Variants in EEF1AKMT4 observed in about 807,000 individuals in gnomAD.
The protein encoded by EEF1AKMT4 is eukaryotic translation elongation factor 1 alpha lysine specific methyltransferase 4.
In EEF1AKMT4, 17 loss-of-function variants were observed where a neutral mutation model predicts 23.0. That is an observed-to-expected ratio of 0.74 (90% CI 0.51 to 1.11). The LOEUF (loss-of-function observed/expected upper bound fraction) is 1.11, where lower values mean the gene tolerates loss of function less well. EEF1AKMT4 is among the 50% of genes least tolerant of loss of function. The pLI, the probability that EEF1AKMT4 is intolerant of heterozygous loss-of-function variation, is 0.00. For synonymous variants in EEF1AKMT4, 140 were observed against 141.4 expected (o/e 0.99, Z 0.07); for missense variants, 318 against 333.4 (o/e 0.95, Z 0.36).
chr3:184,251,360 C>G (rs1719545459), intron 1 of EEF1AKMT4, among the ~76,000 whole-genome samples: 1 of 151,956 alleles, frequency 6.6e-6, no homozygotes, highest in Non-Finnish European at 1.5e-5. Context: ...TGGTGAAACC[C>G]CGTCTCTACT....
At chr3:184,256,286 A>AAAAAAAAAAAAAAAAAAAAAAAAC in intron 1 of EEF1AKMT4, among the ~76,000 whole-genome samples, 1 of 146,564 alleles carries the variant, frequency 6.8e-6, no homozygotes, top group Non-Finnish European at 1.5e-5. Context: ...AAAAAAAAAA[A>AAAAAAAAAAAAAAAAAAAAAAAAC]AAAAGAAAAG....
In EEF1AKMT4 at chr3:184,257,763, GAGC is replaced by G; in HGVS notation, c.480+9_480+11del. Reference sequence around the variant, plus strand: ...GGACCAGGTGTTGAGTGAGGTGAGGGAGCAACAAGAGAGGAAAGCAGATCAATA... The same window carrying G: ...GGACCAGGTGTTGAGTGAGGTGAGGGAACAAGAGAGGAAAGCAGATCAATA... On this transcript the variant is annotated splice_region_variant and intron_variant, in intron 2 of 2. Transcript: ENST00000324557. The G allele has an allele frequency of 6.2e-7, 1 of 1,605,134 alleles. No homozygotes were observed. Among genetic ancestry groups the G allele is most frequent in the South Asian group, 1.1e-5 (1 of 90,392 alleles).
chr3:184,253,401 C>T (rs1057214131), intron 1 of EEF1AKMT4, among the ~76,000 whole-genome samples: 2 of 152,174 alleles, frequency 1.3e-5, no homozygotes, highest in Admixed American at 1.3e-4. Context: ...GCATCTGGAA[C>T]TCTTAAAACT....
rs559606291 is a variant in EEF1AKMT4 at position 184,249,678 on chromosome 3, G to C, written c.-17G>C. ...GGCTGAAGGGCCGGCGGCTCTGGCT[G>C]CCCGGCGGTTGAGAGCATGGCCTCT... is the stretch of plus-strand genomic sequence containing the variant. On this transcript the variant is annotated 5_prime_UTR_variant, in exon 1 of 3. Transcript: ENST00000324557. The C allele has an allele frequency of 4.4e-6, 7 of 1,577,956 alleles. No homozygotes were observed. The Middle Eastern group carries it at 5.1e-4, about 114-fold the overall frequency.
chr3:184,254,511 T>G (rs1202788844), intron 1 of EEF1AKMT4, among the ~76,000 whole-genome samples: 1 of 148,396 alleles, frequency 6.7e-6, no homozygotes, highest in South Asian at 2.1e-4. Flanking sequence ...GAGACCATCC[T>G]GGCTAACACG....
At chr3:184,250,881 C>T (rs1719510252) in intron 1 of EEF1AKMT4, among the ~76,000 whole-genome samples, 1 of 151,760 alleles carries the variant, frequency 6.6e-6, no homozygotes, top group African/African-American at 2.4e-5. Flanking sequence ...GTCGGGAGTT[C>T]GAGATCAGCC....
chr3:184,256,343 C>T (rs1719804457), intron 1 of EEF1AKMT4, among the ~76,000 whole-genome samples: 1 of 151,352 alleles, frequency 6.6e-6, no homozygotes. Context: ...CACTGTGTGT[C>T]CCCACCTAGT....
chr3:184,258,259 C>T lies in EEF1AKMT4; in HGVS notation c.481-29C>T, dbSNP rs1258058485. On this transcript the variant is annotated intron_variant, in intron 2 of 2. Transcript: ENST00000324557. ...TTTGAGAACCTGAAGATCCACTTCT[C>T]ACCAATGGCTTCTCTGTCTGCCTTG... The T allele has an allele frequency of 1.9e-6, 3 of 1,584,294 alleles. No individual in the cohort carries two copies. In the African/African-American group the frequency reaches 4.0e-5, roughly 21 times the overall value.
At chr3:184,252,708 C>T (rs1021696185) in intron 1 of EEF1AKMT4, among the ~76,000 whole-genome samples, 6 of 151,994 alleles carry the variant, frequency 3.9e-5, no homozygotes, top group Non-Finnish European at 8.8e-5. Context: ...TTTGGGAGGC[C>T]GAGGCGGGCG....
chr3:184,253,139 T>C (rs1719635023), intron 1 of EEF1AKMT4, among the ~76,000 whole-genome samples: 1 of 152,008 alleles, frequency 6.6e-6, no homozygotes, highest in Non-Finnish European at 1.5e-5. Flanking sequence ...CCCAGGAGAA[T>C]TGGTAAGAGC....
intron 1 of EEF1AKMT4, among the ~76,000 whole-genome samples, chr3:184,254,554 A>AG (rs1156938639): frequency 6.6e-6 from 1 of 151,592 alleles, no homozygotes; most frequent in African/African-American, 2.4e-5. Context: ...AAAAAAAAAA[A>AG]AAAAAGAAAT....
In EEF1AKMT4 at chr3:184,249,872, G is replaced by A; in HGVS notation, c.178G>A (p.Asp60Asn). The A allele has an allele frequency of 6.2e-7, 1 of 1,611,806 alleles. No homozygotes were observed. Among genetic ancestry groups the A allele is most frequent in the Non-Finnish European group, 8.5e-7 (1 of 1,178,932 alleles). The change falls in exon 1 of 3, where the codon GAC (aspartate) becomes AAC (asparagine). Residue 60 changes from aspartate to asparagine, a missense_variant. Coordinates refer to ENST00000324557, the MANE Select transcript of EEF1AKMT4 (RefSeq NM_032331.4). ...ALLEPELRPE[D>N]RILVLGCGNS... ...CCTAGAGCCGGAGCTGCGGCCCGAG[G>A]ACCGTATCCTTGTGCTAGGTGGGTA...
chr3:184,256,272 C>CAAAA (rs59087969), intron 1 of EEF1AKMT4, among the ~76,000 whole-genome samples: 14 of 54,200 alleles, frequency 2.6e-4, no homozygotes, highest in African/African-American at 7.3e-4. Context: ...AACTCCATCT[C>CAAAA]AAAAAAAAAA....
At chr3:184,252,395 A>G (rs1176456524) in intron 1 of EEF1AKMT4, among the ~76,000 whole-genome samples, 4 of 152,206 alleles carry the variant, frequency 2.6e-5, no homozygotes, top group African/African-American at 9.6e-5. Flanking sequence ...GTTACATTCC[A>G]CCTCAACAGA....
At chr3:184,256,038 C>G (rs1308862120) in intron 1 of EEF1AKMT4, among the ~76,000 whole-genome samples, 1 of 152,096 alleles carries the variant, frequency 6.6e-6, no homozygotes, top group Non-Finnish European at 1.5e-5. Flanking sequence ...AATTCCAGCA[C>G]TTTGGGAGGC....
chr3:184,249,719 G>A lies in EEF1AKMT4; in HGVS notation c.25G>A (p.Ala9Thr), dbSNP rs779918442. The change falls in exon 1 of 3, where the codon GCG (alanine) becomes ACG (threonine). Residue 9 changes from alanine to threonine, a missense_variant. Physicochemically the swap from Ala to Thr is moderately conservative, Grantham distance 58. Transcript: ENST00000324557. MASPGAGRAPPELPERNCG... is the reference protein window; with the variant it reads MASPGAGRTPPELPERNCG... Reference sequence around the variant, plus strand: ...CATGGCCTCTCCAGGGGCAGGTAGGGCGCCTCCGGAGTTACCGGAGCGGAA... The same window carrying A: ...CATGGCCTCTCCAGGGGCAGGTAGGACGCCTCCGGAGTTACCGGAGCGGAA... The A allele has an allele frequency of 1.2e-6, 2 of 1,610,174 alleles. No homozygotes were observed. Among genetic ancestry groups the A allele is most frequent in the Admixed American group, 3.3e-5 (2 of 59,960 alleles).
chr3:184,257,674 T>C lies in EEF1AKMT4; in HGVS notation c.398T>C (p.Leu133Pro). ...SFDVVLEKGT[L>P]DALLAGERDP... ...GATGTGGTGCTCGAGAAGGGCACGCTGGATGCCCTGCTGGCTGGGGAACGA... is the reference window on the plus strand; with the variant it reads ...GATGTGGTGCTCGAGAAGGGCACGCCGGATGCCCTGCTGGCTGGGGAACGA... Residue 133 changes from leucine to proline, a missense_variant, in exon 2 of 3, where the codon CTG becomes CCG. By Grantham distance (98) the Leu-to-Pro change is moderately conservative. Coordinates refer to ENST00000324557, the MANE Select transcript of EEF1AKMT4 (RefSeq NM_032331.4). 6.2e-7 allele frequency: 1 copy of C among 1,614,208 alleles called. No individual in the cohort carries two copies. Among genetic ancestry groups the C allele is most frequent in the Non-Finnish European group, 8.5e-7 (1 of 1,180,044 alleles).
At chr3:184,251,587 G>C (rs1560169381) in intron 1 of EEF1AKMT4, among the ~76,000 whole-genome samples, 1 of 151,970 alleles carries the variant, frequency 6.6e-6, no homozygotes, top group South Asian at 2.1e-4. Context: ...CCCATAGTCC[G>C]AGTTACTCAA....
At chr3:184,258,261 C>T (rs1442861890) in intron 2 of EEF1AKMT4, 27 bp from the exon 3 acceptor site, 1 of 1,587,240 alleles carries the variant, frequency 6.3e-7, no homozygotes, top group Non-Finnish European at 8.6e-7. Flanking sequence ...CCACTTCTCA[C>T]CAATGGCTTC....
Sources: allele counts gnomAD v4.1 joint callset (sites outside exome capture counted in the v4.1 genomes callset), GRCh38; gene constraint gnomAD v4.1.1; transcripts MANE v1.5; gene names NCBI Gene and HGNC (gene_info 2026-07-23, HGNC 2026-07-21).